The following RBM47 variants were observed in gnomAD, a reference collection of about 807,000 sequenced individuals.
The protein encoded by RBM47 is RNA-binding protein 47.
RBM47 carries 21 observed loss-of-function variants against 47.1 expected under a neutral mutation model. The observed-to-expected ratio is 0.45, with a 90% CI of 0.32 to 0.64. The LOEUF is 0.64. Among genes scored for constraint, RBM47 ranks in the 30% least tolerant of loss-of-function variants. The pLI, the probability that RBM47 is intolerant of heterozygous loss-of-function variation, is 0.05. For synonymous variants in RBM47, 375 were observed against 361.7 expected (o/e 1.04, Z -0.42); for missense variants, 708 against 870.9 (o/e 0.81, Z 2.35).
chr4:40,549,247 G>A (rs10013171), intron 1 of RBM47, among the ~76,000 whole-genome samples: 26,909 of 150,974 alleles, frequency 0.18, 3,120 homozygotes, highest in African/African-American at 0.33. Context: ...ACGCACCACC[G>A]TGCCCAGCTA....
intron 2 of RBM47, among the ~76,000 whole-genome samples, chr4:40,517,967 C>T (rs966030585): frequency 7.9e-5 from 12 of 152,020 alleles, no homozygotes; most frequent in African/African-American, 2.9e-4. Flanking sequence ...GCAACCAATT[C>T]CCCATGGATA....
chr4:40,611,610 T>C lies in RBM47; in HGVS notation c.-240+17786A>G, dbSNP rs182070821. Among the ~76,000 whole-genome samples the C allele has an allele frequency of 2.7e-3, 414 of 151,864 alleles. 2 individuals carry two copies. Among genetic ancestry groups the C allele is most frequent in the African/African-American group, 9.3e-3 (383 of 41,400 alleles). ...TGGGTATCGTGGCGCATGCCTGTAA[T>C]CCCAGCTACCAGGAGGCTGAGGCAG... On this transcript the variant is annotated intron_variant, in intron 1 of 6. Transcript: ENST00000295971.
At chr4:40,547,223 C>G (rs559800058) in intron 1 of RBM47, among the ~76,000 whole-genome samples, 81 of 152,304 alleles carry the variant, frequency 5.3e-4, no homozygotes, top group African/African-American at 1.9e-3. Context: ...CCTGCCCTGC[C>G]AAATTCATAA....
intron 2 of RBM47, chr4:40,491,953 A>G (rs1005944042): frequency 1.3e-5 from 2 of 156,062 alleles, no homozygotes; most frequent in African/African-American, 4.8e-5. Flanking sequence ...CACACTGCAG[A>G]TTCAGGCATG....
intron 1 of RBM47, among the ~76,000 whole-genome samples, chr4:40,566,742 C>T (rs1731144589): frequency 6.6e-6 from 1 of 152,012 alleles, no homozygotes; most frequent in Non-Finnish European, 1.5e-5. Flanking sequence ...AGCTCAGTTT[C>T]TTCATTTGTA....
chr4:40,537,405 G>C (rs757957642), intron 2 of RBM47, among the ~76,000 whole-genome samples: 1 of 151,768 alleles, frequency 6.6e-6, no homozygotes, highest in South Asian at 2.1e-4. Flanking sequence ...TGGGACTACA[G>C]GTGCAAGCCA....
intron 1 of RBM47, among the ~76,000 whole-genome samples, chr4:40,547,261 C>T (rs934615094): frequency 5.3e-5 from 8 of 152,306 alleles, no homozygotes; most frequent in African/African-American, 1.9e-4. Context: ...TAGTATCTCA[C>T]AATGTGACTA....
At chr4:40,493,510 G>A (rs191543315) in intron 2 of RBM47, among the ~76,000 whole-genome samples, 18 of 152,230 alleles carry the variant, frequency 1.2e-4, no homozygotes, top group Admixed American at 5.2e-4. Context: ...TTGGCCTGGC[G>A]CAGTGGCTCA....
chr4:40,466,449 A>T (rs918743185), intron 3 of RBM47, 128 bp downstream of exon 3: 27 of 152,148 alleles, frequency 1.8e-4, no homozygotes, highest in African/African-American at 6.3e-4. Context: ...TCTATATTCC[A>T]CTAACGTTGC....
chr4:40,564,040 T>C (rs1231340186), intron 1 of RBM47, among the ~76,000 whole-genome samples: 1 of 152,108 alleles, frequency 6.6e-6, no homozygotes, highest in African/African-American at 2.4e-5. Context: ...CAAGACACTA[T>C]CTCTATTCAT....
At chr4:40,572,399 G>A (rs1210099526) in intron 1 of RBM47, among the ~76,000 whole-genome samples, 1 of 151,644 alleles carries the variant, frequency 6.6e-6, no homozygotes, top group African/African-American at 2.4e-5. Context: ...AGCTCTCAAT[G>A]TACTGTTATT....
intron 4 of RBM47, chr4:40,436,960 C>T: frequency 2.2e-6 from 1 of 464,626 alleles, no homozygotes; most frequent in South Asian, 1.6e-5. Context: ...AAAACTGTGG[C>T]CAGGTGTGGT....
At chr4:40,611,912 G>C (rs1736297191) in intron 1 of RBM47, among the ~76,000 whole-genome samples, 1 of 152,138 alleles carries the variant, frequency 6.6e-6, no homozygotes, top group East Asian at 1.9e-4. Context: ...TCTCCAATAA[G>C]ATACATGAGA....
intron 2 of RBM47, among the ~76,000 whole-genome samples, chr4:40,522,504 CAAACA>C (rs542594625): frequency 3.9e-5 from 6 of 152,222 alleles, no homozygotes; most frequent in South Asian, 4.1e-4. Context: ...GACTCCATCT[CAAACA>C]AAACAAAACA....
intron 2 of RBM47, among the ~76,000 whole-genome samples, chr4:40,538,672 T>G (rs966758540): frequency 3.3e-5 from 5 of 151,930 alleles, no homozygotes; most frequent in Admixed American, 1.3e-4. Flanking sequence ...AGTCTTGCTC[T>G]GTTGTCCAGG....
chr4:40,440,020 G>A (rs1713379367), intron 3 of RBM47, among the ~76,000 whole-genome samples: 3 of 152,152 alleles, frequency 2.0e-5, no homozygotes, highest in Non-Finnish European at 4.4e-5. Flanking sequence ...GGTCTGAACT[G>A]TGCCGCCTTC....
chr4:40,496,916 C>T (rs1214734610), intron 2 of RBM47, among the ~76,000 whole-genome samples: 2 of 151,864 alleles, frequency 1.3e-5, no homozygotes, highest in Non-Finnish European at 2.9e-5. Flanking sequence ...GGCACATGCC[C>T]TATAATCCCA....
At chr4:40,615,209 G>A (rs752931037) in intron 1 of RBM47, among the ~76,000 whole-genome samples, 4 of 152,138 alleles carry the variant, frequency 2.6e-5, no homozygotes, top group African/African-American at 9.7e-5. Context: ...CTGGGTGGGC[G>A]TGGTGGCTCA....
Position 40,438,711 on chromosome 4 carries a change from G to A in RBM47, c.183C>T (p.Gly61=). The change falls in exon 4 of 7, where the codon GGC becomes GGT. Residue 61 remains glycine, a synonymous_variant. Transcript: ENST00000295971. ...CACGCTGCGGGTGCGGGCCCTCCCA[G>A]CCGGGCGGTGGGCCGCCGTACTTGC... The part of the protein sequence containing the change: ...GQRKYGGPPP[G]WEGPHPQRGC... 1.2e-6 allele frequency: 2 copies of A among 1,609,228 alleles called. No individual in the cohort carries two copies. Among genetic ancestry groups the A allele is most frequent in the Non-Finnish European group, 1.7e-6 (2 of 1,178,622 alleles).
Sources: allele counts gnomAD v4.1 joint callset (sites outside exome capture counted in the v4.1 genomes callset), GRCh38; gene constraint gnomAD v4.1.1; transcripts MANE v1.5; gene names NCBI Gene and HGNC (gene_info 2026-07-23, HGNC 2026-07-21).